The following RTL9 variants were observed in gnomAD, a reference collection of about 807,000 sequenced individuals.
RTL9 encodes the protein retrotransposon Gag-like protein 9.
In RTL9, 19 loss-of-function variants were observed where a neutral mutation model predicts 44.7. That is an observed-to-expected ratio of 0.42 (90% CI 0.30 to 0.62). RTL9 has a LOEUF of 0.62. RTL9 is among the 20% of genes least tolerant of loss of function. The pLI is 0.16. For synonymous variants in RTL9, 407 were observed against 398.9 expected (o/e 1.02, Z -0.24); for missense variants, 1,105 against 1,080.6 (o/e 1.02, Z -0.32).
At chrX:110,382,400 G>A (rs1180314824) in intron 1 of RTL9, among the ~76,000 whole-genome samples, 1 of 111,213 alleles carries the variant, frequency 9.0e-6, no homozygotes, top group Non-Finnish European at 1.9e-5. Flanking sequence ...TGGGAGACAT[G>A]GATGAAGCTT....
chrX:110,407,087 C>T (rs910899307), intron 1 of RTL9, among the ~76,000 whole-genome samples: 7 of 111,629 alleles, frequency 6.3e-5, no homozygotes, highest in South Asian at 3.7e-4. Context: ...TTAACAATGC[C>T]GCCAACTTCA....
At chrX:110,383,959 G>C (rs2068437419) in intron 1 of RTL9, among the ~76,000 whole-genome samples, 1 of 111,928 alleles carries the variant, frequency 8.9e-6, no homozygotes, top group Admixed American at 9.5e-5. Flanking sequence ...GCTTCGTCAT[G>C]TATAAAACAA....
intron 1 of RTL9, among the ~76,000 whole-genome samples, chrX:110,372,482 T>C (rs1274495750): frequency 8.9e-6 from 1 of 111,784 alleles, no homozygotes; most frequent in Non-Finnish European, 1.9e-5. Context: ...TAGACTCACA[T>C]ATTTCTCTGC....
At chrX:110,454,078 A>G (rs777888446) in exon 1 of RTL9, 3 of 1,212,008 alleles carry the variant, frequency 2.5e-6, no homozygotes, top group Non-Finnish European at 3.3e-6. Flanking sequence ...CTCTTAGAAG[A>G]GCAGGAAGCA....
chrX:110,441,171 T>G (rs1231649736), intron 1 of RTL9, among the ~76,000 whole-genome samples: 1 of 112,277 alleles, frequency 8.9e-6, no homozygotes, highest in African/African-American at 3.2e-5. Flanking sequence ...TGGACCTCAG[T>G]TTCCTCTTCT....
At chrX:110,390,906 G>A (rs2068489751) in intron 1 of RTL9, among the ~76,000 whole-genome samples, 1 of 111,764 alleles carries the variant, frequency 8.9e-6, no homozygotes, top group Admixed American at 9.5e-5. Flanking sequence ...CAGCTTCAGT[G>A]GTGAACAGCA....
intron 1 of RTL9, among the ~76,000 whole-genome samples, chrX:110,377,970 C>G (rs1462267874): frequency 1.0e-5 from 1 of 95,310 alleles, no homozygotes; most frequent in African/African-American, 4.2e-5. Context: ...GATCGCGCCA[C>G]TGCACTCCAG....
intron 1 of RTL9, among the ~76,000 whole-genome samples, chrX:110,404,619 C>T (rs909447090): frequency 1.8e-5 from 2 of 111,759 alleles, no homozygotes; most frequent in Admixed American, 9.5e-5. Context: ...TTGATAATTA[C>T]GGTACCTCAG....
chrX:110,366,572 G>A (rs1169974489), intron 1 of RTL9, among the ~76,000 whole-genome samples: 1 of 111,345 alleles, frequency 9.0e-6, no homozygotes, highest in Non-Finnish European at 1.9e-5. Context: ...CTGTCCCTCA[G>A]CCCCCTAGTG....
exon 1 of RTL9, chrX:110,451,618 C>T: frequency 2.5e-6 from 3 of 1,211,814 alleles, no homozygotes; most frequent in Non-Finnish European, 3.4e-6. Flanking sequence ...GGAGAAATGT[C>T]CACATTACCA....
At chrX:110,446,521 C>T (rs369880142), upstream of RTL9, among the ~76,000 whole-genome samples, 2 of 110,937 alleles carry the variant, frequency 1.8e-5, no homozygotes, top group East Asian at 2.8e-4. Flanking sequence ...ATAAAATTAA[C>T]TTTTATTAGT....
intron 1 of RTL9, among the ~76,000 whole-genome samples, chrX:110,364,501 A>T (rs769134257): frequency 1.5e-4 from 17 of 111,513 alleles, no homozygotes; most frequent in Non-Finnish European, 2.8e-4. Context: ...TTTTGTCTTT[A>T]TTTGGTTTCC....
At chrX:110,388,885 C>T (rs987960421) in intron 1 of RTL9, among the ~76,000 whole-genome samples, 2 of 112,305 alleles carry the variant, frequency 1.8e-5, no homozygotes, top group African/African-American at 3.2e-5. Context: ...GTGTGATGTA[C>T]GTAGTGGGGA....
intron 1 of RTL9, among the ~76,000 whole-genome samples, chrX:110,375,970 C>G (rs923777883): frequency 3.6e-5 from 4 of 111,014 alleles, no homozygotes; most frequent in Non-Finnish European, 7.6e-5. Flanking sequence ...AATGCTATGT[C>G]CTGTCTGTCC....
chrX:110,375,155 A>G (rs2068367635), intron 1 of RTL9, among the ~76,000 whole-genome samples: 2 of 111,726 alleles, frequency 1.8e-5, no homozygotes, highest in Admixed American at 9.6e-5. Flanking sequence ...ATTAAATGTA[A>G]TAAAACTGGA....
intron 1 of RTL9, among the ~76,000 whole-genome samples, chrX:110,359,436 C>A: frequency 9.0e-6 from 1 of 111,098 alleles, no homozygotes; most frequent in East Asian, 2.8e-4. Context: ...CATAAATTAT[C>A]CCATCTCAAC....
chrX:110,407,549 A>G (rs2068611437), intron 1 of RTL9, among the ~76,000 whole-genome samples: 1 of 112,373 alleles, frequency 8.9e-6, no homozygotes. Context: ...TATTGTTGCC[A>G]TTTTTCCAGG....
At chrX:110,361,060 T>C (rs944621696) in intron 1 of RTL9, among the ~76,000 whole-genome samples, 3 of 110,734 alleles carry the variant, frequency 2.7e-5, no homozygotes, top group Non-Finnish European at 1.9e-5. Flanking sequence ...TCAACTTGCA[T>C]GCCTAATAGG....
chrX:110,448,320 G>C (rs750573546), upstream of RTL9, among the ~76,000 whole-genome samples: 1 of 111,040 alleles, frequency 9.0e-6, no homozygotes, highest in East Asian at 2.9e-4. Context: ...CGAGCCCTCT[G>C]CCTGTGCTTC....
Sources: allele counts gnomAD v4.1 joint callset (sites outside exome capture counted in the v4.1 genomes callset), GRCh38; gene constraint gnomAD v4.1.1; transcripts MANE v1.5; gene names NCBI Gene and HGNC (gene_info 2026-07-23, HGNC 2026-07-21).